Variants in PCDHGA5 observed in about 807,000 individuals in gnomAD.
The protein encoded by PCDHGA5 is protocadherin gamma-A5.
PCDHGA5 carries 36 observed loss-of-function variants against 56.7 expected under a neutral mutation model. The ratio of observed to expected loss-of-function variants is 0.64; its 90% CI spans 0.49 to 0.84. The LOEUF (loss-of-function observed/expected upper bound fraction) is 0.84. Ranked by LOEUF, PCDHGA5 falls within the 40% of genes least tolerant of loss-of-function variation. The pLI, the probability that PCDHGA5 is intolerant of heterozygous loss-of-function variation, is 0.00. For missense variants in PCDHGA5, 1,305 were observed against 1,201.5 expected (o/e 1.09, Z -1.27); for synonymous variants, 563 against 520.2 (o/e 1.08, Z -1.12).
At chr5:141,444,599 A>G (rs373366708) in intron 1 of PCDHGA5, among the ~76,000 whole-genome samples, 2 of 152,108 alleles carry the variant, frequency 1.3e-5, no homozygotes, top group African/African-American at 2.4e-5. Flanking sequence ...CCTTATTTAA[A>G]ATTGATTTTT....
chr5:141,374,154 G>C (rs376984494), intron 1 of PCDHGA5: 38 of 1,611,790 alleles, frequency 2.4e-5, no homozygotes, highest in Admixed American at 8.4e-5. Flanking sequence ...GGGACGCTGT[G>C]GGGGGCCGCG....
intron 1 of PCDHGA5, chr5:141,395,535 C>A: frequency 3.6e-5 from 12 of 331,892 alleles, no homozygotes; most frequent in Admixed American, 5.0e-5. Context: ...GGTAATTTTG[C>A]TATTGTTTGT....
chr5:141,388,326 C>T, intron 1 of PCDHGA5: 1 of 1,613,878 alleles, frequency 6.2e-7, no homozygotes, highest in Non-Finnish European at 8.5e-7. Context: ...GTCTGCACAG[C>T]CTGGCACACG....
intron 2 of PCDHGA5, among the ~76,000 whole-genome samples, chr5:141,495,471 G>A (rs2099761632): frequency 6.6e-6 from 1 of 152,190 alleles, no homozygotes; most frequent in Non-Finnish European, 1.5e-5. Context: ...TGGGGTCTCC[G>A]TGTCTCTGCC....
chr5:141,390,965 A>G (rs2092279401), intron 1 of PCDHGA5: 1 of 152,252 alleles, frequency 6.6e-6, no homozygotes, highest in Admixed American at 6.5e-5. Context: ...TACTTGTAAC[A>G]TAGGAGTTTC....
At chr5:141,399,335 A>G in intron 1 of PCDHGA5, 3 of 1,613,978 alleles carry the variant, frequency 1.9e-6, no homozygotes, top group Non-Finnish European at 2.5e-6. Flanking sequence ...TTGGTAACAG[A>G]TGGAACCCTA....
At chr5:141,383,694 T>C (rs369728109) in intron 1 of PCDHGA5, 13 of 1,613,890 alleles carry the variant, frequency 8.1e-6, no homozygotes, top group Middle Eastern at 1.6e-4. Context: ...TCACGGTACA[T>C]GCTATCGACC....
At chr5:141,407,956 A>G (rs2095008608) in intron 1 of PCDHGA5, 1 of 645,868 alleles carries the variant, frequency 1.5e-6, no homozygotes, top group African/African-American at 1.8e-5. Flanking sequence ...CGGCCAGTGC[A>G]GAGCAAGCGC....
chr5:141,403,318 A>G, intron 1 of PCDHGA5: 1 of 1,613,982 alleles, frequency 6.2e-7, no homozygotes, highest in Non-Finnish European at 8.5e-7. Flanking sequence ...TAGAAATAGA[A>G]GTAACTGATA....
chr5:141,383,951 C>G lies in PCDHGA5; in HGVS notation c.2421+17200C>G, dbSNP rs1365918560. 5 of 1,613,676 alleles carry G rather than the reference C, an allele frequency of 3.1e-6. No homozygotes were observed. In the African/African-American group the frequency reaches 6.7e-5, roughly 22 times the overall value. On this transcript the variant is annotated intron_variant, in intron 1 of 3. Transcript: ENST00000518069. ...AATGCTCCAGAAGTGACTATGACGT[C>G]TTTAAGTAGCTCAATCCCTGAAGAC...
At chr5:141,408,450 A>C in intron 1 of PCDHGA5, 1 of 1,613,944 alleles carries the variant, frequency 6.2e-7, no homozygotes, top group Non-Finnish European at 8.5e-7. Flanking sequence ...GAGAGCGGGG[A>C]CTTACTTGTG....
intron 1 of PCDHGA5, chr5:141,371,563 T>G: frequency 6.2e-7 from 1 of 1,613,806 alleles, no homozygotes; most frequent in Non-Finnish European, 8.5e-7. Context: ...AAAGGAAACT[T>G]CCCCTTTAAA....
At chr5:141,384,906 C>G (rs767972748) in intron 1 of PCDHGA5, 3 of 1,613,882 alleles carry the variant, frequency 1.9e-6, no homozygotes, top group East Asian at 4.5e-5. Flanking sequence ...ACAGCATCCC[C>G]GAAGTCTTGG....
rs764798507 is a variant in PCDHGA5, at chr5:141,364,619, G to T, written c.289G>T (p.Ala97Ser). The change falls in exon 1 of 4, where the codon GCT (alanine) becomes TCT (serine). Residue 97 changes from alanine (A) to serine (S), a missense_variant. Coordinates refer to ENST00000518069, the MANE Select transcript of PCDHGA5 (RefSeq NM_018918.3). ...AGRIDREELC[A>S]QSPLCVVNFN... ...CAGGATAGACCGGGAGGAGCTCTGC[G>T]CTCAGAGCCCACTGTGTGTGGTGAA... is the stretch of plus-strand genomic sequence containing the variant. 10 of 1,614,152 alleles carry T rather than the reference G, an allele frequency of 6.2e-6. No individual in the cohort carries two copies. Among genetic ancestry groups the T allele is most frequent in the Non-Finnish European group, 8.5e-6 (10 of 1,179,992 alleles).
At chr5:141,460,908 T>C (rs550367008) in intron 1 of PCDHGA5, among the ~76,000 whole-genome samples, 2,136 of 133,318 alleles carry the variant, frequency 0.016, 43 homozygotes, top group African/African-American at 0.062. Flanking sequence ...TAATATTCCA[T>C]GGTGTATATA....
chr5:141,434,254 T>C (rs1440934691), intron 1 of PCDHGA5, among the ~76,000 whole-genome samples: 3 of 152,176 alleles, frequency 2.0e-5, no homozygotes, highest in Admixed American at 6.5e-5. Context: ...TTGGGCATTG[T>C]GGGGGAGGTG....
intron 1 of PCDHGA5, chr5:141,388,588 C>T: frequency 6.2e-7 from 1 of 1,613,876 alleles, no homozygotes; most frequent in Non-Finnish European, 8.5e-7. Context: ...GTGACTGATG[C>T]CAATGATAAT....
rs768812729 is a variant in PCDHGA5, at chr5:141,491,543, A to T, written c.2422-3264A>T. 2.5e-6 allele frequency: 4 copies of T among 1,613,842 alleles called. No individual in the cohort carries two copies. The highest frequency in any genetic ancestry group is 3.4e-6 in the Non-Finnish European group (4 of 1,179,982). The stretch of plus-strand genomic sequence containing the variant: ...ATGGAGGTGACGCTGCGGCCCACAG[A>T]CTCGCAGAGCCACTGCTACAGGACG... On this transcript the variant is annotated intron_variant, in intron 1 of 3. Transcript: ENST00000518069. This position sits in a 1 kb window ranked among gnomAD's most constrained non-coding sequence, Gnocchi z 6.9.
chr5:141,472,071 A>T (rs1243864250), intron 1 of PCDHGA5, among the ~76,000 whole-genome samples: 5 of 152,200 alleles, frequency 3.3e-5, no homozygotes, highest in South Asian at 2.1e-4. Context: ...GTCTGTGGTT[A>T]TATCAATGAG....
Sources: allele counts gnomAD v4.1 joint callset (sites outside exome capture counted in the v4.1 genomes callset), GRCh38; gene constraint gnomAD v4.1.1; non-coding constraint Gnocchi (gnomAD v3.1); transcripts MANE v1.5; gene names NCBI Gene and HGNC (gene_info 2026-07-23, HGNC 2026-07-21).